C12orf76: variants seen among roughly 807,000 people sequenced by gnomAD.
C12orf76 encodes the protein chromosome 12 open reading frame 76.
Under a neutral mutation model 6.8 loss-of-function variants are expected in C12orf76, and 6 were observed. The ratio of observed to expected loss-of-function variants is 0.88; its 90% CI spans 0.48 to 1.73. The LOEUF (loss-of-function observed/expected upper bound fraction) is 1.73. Among genes scored for constraint, C12orf76 ranks in the 40% most tolerant of loss-of-function variants. The pLI is 0.01. For synonymous variants in C12orf76, 56 were observed against 43.7 expected (o/e 1.28, Z -1.11); for missense variants, 99 against 98.2 (o/e 1.01, Z -0.03).
intron 4 of C12orf76, among the ~76,000 whole-genome samples, chr12:110,055,204 T>G (rs1168308686): frequency 1.3e-5 from 2 of 151,094 alleles, no homozygotes; most frequent in Non-Finnish European, 2.9e-5. Flanking sequence ...TCAGCATATA[T>G]GAGACGAAGC....
chr12:110,060,419 A>T (rs1395836615), intron 2 of C12orf76, among the ~76,000 whole-genome samples: 2 of 152,020 alleles, frequency 1.3e-5, no homozygotes, highest in Non-Finnish European at 2.9e-5. Flanking sequence ...CAACAACGTC[A>T]TTGTCACTAA....
Position 110,066,154 on chromosome 12 carries a change from T to C in C12orf76, n.207-121A>G. The C allele has an allele frequency of 7.7e-7, 1 of 1,296,186 alleles. No homozygotes were observed. 80.3% of individuals were successfully genotyped at this position (1,296,186 alleles called of 1,614,324 possible). A position where few individuals can be genotyped will look rare whatever the true frequency, so the allele number is the denominator to read the frequency against. ...TGGGAGGCCGAGGCAGGCGGATCAC[T>C]TGAGGCCAGGAGTTCAAGACCAGCC... On this transcript the variant is annotated intron_variant and non_coding_transcript_variant, in intron 1 of 4. Coordinates refer to the C12orf76 transcript ENST00000309050.
chr12:110,052,352 G>C (rs1296510170), upstream of C12orf76, among the ~76,000 whole-genome samples: 1 of 151,886 alleles, frequency 6.6e-6, no homozygotes, highest in Non-Finnish European at 1.5e-5. Context: ...GTACCACCAC[G>C]CCTGGCTAAT....
chr12:110,072,069 A>G (rs1892965926), upstream of C12orf76, among the ~76,000 whole-genome samples: 2 of 152,224 alleles, frequency 1.3e-5, no homozygotes, highest in Admixed American at 6.5e-5. Flanking sequence ...ATGTCCATCA[A>G]TGGATGAATG....
chr12:110,048,693 C>A (rs1175665153), upstream of C12orf76: 1 of 1,240,948 alleles, frequency 8.1e-7, no homozygotes, highest in South Asian at 3.2e-5. Context: ...ATGTTTCCCC[C>A]GGACCAACTT....
chr12:110,048,354 G>GCCGCTCACCCAGGTTCTGCCCTCGCAGCA lies in C12orf76; in HGVS notation c.113_133+8dup. The GCCGCTCACCCAGGTTCTGCCCTCGCAGCA allele has an allele frequency of 6.7e-7, 1 of 1,497,200 alleles. No individual in the cohort carries two copies. Among genetic ancestry groups the GCCGCTCACCCAGGTTCTGCCCTCGCAGCA allele is most frequent in the Non-Finnish European group, 8.9e-7 (1 of 1,128,324 alleles). The allele number at this position is 1,497,200 out of a possible 1,614,324, so 92.7% of individuals were successfully genotyped here. A position where few individuals can be genotyped will look rare whatever the true frequency, so the allele number is the denominator to read the frequency against. ...CTACCCGCCGCCCGCCAGCCCGAGG[G>GCCGCTCACCCAGGTTCTGCCCTCGCAGCA]CCGCTCACCCAGGTTCTGCCCTCGC... On this transcript the variant is annotated intron_variant, in intron 1 of 1. Transcript: ENST00000615315.
chr12:110,063,983 C>G (rs970480921), intron 2 of C12orf76, among the ~76,000 whole-genome samples: 3 of 152,150 alleles, frequency 2.0e-5, no homozygotes, highest in Non-Finnish European at 4.4e-5. Context: ...AGTCTCCAGA[C>G]AAGAACTCAG....
At chr12:110,043,027 C>A (rs1892355704) in intron 1 of C12orf76, among the ~76,000 whole-genome samples, 1 of 151,802 alleles carries the variant, frequency 6.6e-6, no homozygotes, top group Non-Finnish European at 1.5e-5. Context: ...TTACAGTGAG[C>A]CGAGATTGCG....
At chr12:110,055,268 C>T (rs1296245602) in intron 4 of C12orf76, among the ~76,000 whole-genome samples, 1 of 147,600 alleles carries the variant, frequency 6.8e-6, no homozygotes, top group Non-Finnish European at 1.5e-5. Context: ...GGCTGGAGTG[C>T]AGTGGCACTA....
chr12:110,062,424 G>C (rs1039905503), intron 2 of C12orf76, among the ~76,000 whole-genome samples: 3 of 152,244 alleles, frequency 2.0e-5, no homozygotes, highest in South Asian at 2.1e-4. Flanking sequence ...CATGGGGAGA[G>C]AGTGGGAGTG....
At chr12:110,060,790 C>T (rs552970937) in intron 2 of C12orf76, among the ~76,000 whole-genome samples, 3 of 152,226 alleles carry the variant, frequency 2.0e-5, no homozygotes, top group African/African-American at 7.2e-5. Flanking sequence ...AATCCCAGCA[C>T]TTTGGGAGGC....
At chr12:110,065,705 T>TC (rs1414620826) in intron 2 of C12orf76, among the ~76,000 whole-genome samples, 3 of 152,076 alleles carry the variant, frequency 2.0e-5, no homozygotes, top group Non-Finnish European at 4.4e-5. Context: ...CACTCTATGC[T>TC]CTGCACAGTG....
upstream of C12orf76, among the ~76,000 whole-genome samples, chr12:110,053,607 T>C (rs1016641450): frequency 2.6e-5 from 4 of 152,192 alleles, no homozygotes; most frequent in Admixed American, 6.5e-5. Context: ...CAAGTACATT[T>C]GAAGAAGAGC....
At chr12:110,063,974 G>A (rs959494152) in intron 2 of C12orf76, among the ~76,000 whole-genome samples, 2 of 152,126 alleles carry the variant, frequency 1.3e-5, no homozygotes, top group East Asian at 3.9e-4. Flanking sequence ...TTTCCCCAGA[G>A]TCTCCAGACA....
upstream of C12orf76, among the ~76,000 whole-genome samples, chr12:110,068,064 T>C (rs1336648539): frequency 6.6e-6 from 1 of 151,502 alleles, no homozygotes; most frequent in Non-Finnish European, 1.5e-5. Flanking sequence ...ATACAAAAAA[T>C]TAGCTGGGCG....
chr12:110,067,987 G>A (rs191084344), upstream of C12orf76, among the ~76,000 whole-genome samples: 94 of 152,044 alleles, frequency 6.2e-4, no homozygotes, highest in African/African-American at 2.0e-3. Context: ...TGAGGCAGGC[G>A]GATCACCTGA....
intron 2 of C12orf76, among the ~76,000 whole-genome samples, chr12:110,065,350 T>A (rs1379112352): frequency 6.6e-6 from 1 of 151,994 alleles, no homozygotes; most frequent in Admixed American, 6.6e-5. Context: ...TTTGTATTTT[T>A]AGTAGAGACG....
At chr12:110,066,478 G>A (rs1391384081) in intron 1 of C12orf76, among the ~76,000 whole-genome samples, 1 of 149,938 alleles carries the variant, frequency 6.7e-6, no homozygotes, top group Admixed American at 6.6e-5. Context: ...ACCTGAGGTC[G>A]GGAGTTTGAG....
chr12:110,063,373 T>TC (rs1401436358), intron 2 of C12orf76, among the ~76,000 whole-genome samples: 1 of 151,966 alleles, frequency 6.6e-6, no homozygotes, highest in Non-Finnish European at 1.5e-5. Context: ...AACTGCTGCC[T>TC]CCCGGGGTCA....
Sources: gnomAD v4.1 joint callset for allele counts (sites outside exome capture counted in the v4.1 genomes callset) on GRCh38, gnomAD v4.1.1 for gene constraint, MANE v1.5 for transcripts, NCBI Gene and HGNC (gene_info 2026-07-23, HGNC 2026-07-21) for gene names.